Variants in SNAPC5 observed in about 807,000 individuals in gnomAD.
SNAPC5 encodes the protein snRNA-activating protein complex subunit 5.
A neutral mutation model predicts 9.1 loss-of-function variants in SNAPC5; 12 were observed. That is an observed-to-expected ratio of 1.32 (90% CI 0.85 to 2.15). SNAPC5 has a LOEUF of 2.15. SNAPC5 is among the 30% of genes most tolerant of loss of function. The pLI, the probability that SNAPC5 is intolerant of heterozygous loss-of-function variation, is 0.00. For synonymous variants in SNAPC5, 52 were observed against 47.3 expected (o/e 1.10, Z -0.41); for missense variants, 132 against 114.4 (o/e 1.15, Z -0.70).
rs1035376848 is a variant in SNAPC5, at chr15:66,495,314, A to G, written c.180+16T>C. On this transcript the variant is annotated intron_variant, in intron 2 of 2. Transcript: ENST00000316634. ...ACTTTGCATTCTCTCCTAGGCCTGC[A>G]CTTGATTAAGCTTACATCATGTGAC... The G allele has an allele frequency of 1.4e-6, 2 of 1,454,624 alleles. No individual in the cohort carries two copies. Among genetic ancestry groups the G allele is most frequent in the African/African-American group, 1.4e-5 (1 of 71,930 alleles). The allele number at this position is 1,454,624 out of a possible 1,614,324, so 90.1% of individuals were successfully genotyped here. A position where few individuals can be genotyped will look rare whatever the true frequency, so the allele number is the denominator to read the frequency against.
In SNAPC5 at chr15:66,495,349, A is replaced by T; in HGVS notation, c.161T>A (p.Val54Glu). 1 of 1,597,124 alleles carries T rather than the reference A, an allele frequency of 6.3e-7. No homozygotes were observed. The highest frequency in any genetic ancestry group is 8.6e-7 in the Non-Finnish European group (1 of 1,164,360). ...GCTTACATCATGTGACTGTTCAGGT[A>T]CAGTGTGAGAAGACAGCATCTCATC... ...RGDEMLSSHT[V>E]PEQSHDMLVH... The change falls in exon 2 of 3, where the codon GTA becomes GAA. Residue 54 changes from valine to glutamate, a missense_variant. Coordinates refer to ENST00000316634, the MANE Select transcript of SNAPC5 (RefSeq NM_001329615.2).
At chr15:66,490,351 C>A, downstream of SNAPC5, 1 of 737,094 alleles carries the variant, frequency 1.4e-6, no homozygotes, top group Non-Finnish European at 2.5e-6. Flanking sequence ...GGGCCTGCAG[C>A]TGGCCCCACT....
chr15:66,490,793 TTATTAC>T (rs1451771566), downstream of SNAPC5: 7 of 684,996 alleles, frequency 1.0e-5, no homozygotes, highest in East Asian at 1.6e-4. Context: ...GTCTTTATTC[TTATTAC>T]TATTATTGTT....
At chr15:66,490,991 G>C, downstream of SNAPC5, 1 of 431,282 alleles carries the variant, frequency 2.3e-6, no homozygotes, top group Non-Finnish European at 4.3e-6. Context: ...TTGACATTTG[G>C]TGGTACTTTA....
downstream of SNAPC5, chr15:66,490,235 GT>G: frequency 3.3e-6 from 2 of 603,448 alleles, no homozygotes; most frequent in Non-Finnish European, 6.0e-6. Context: ...TAACAAGCCT[GT>G]GAGGCATTTA....
chr15:66,494,302 C>T lies in SNAPC5; in HGVS notation c.*134G>A, dbSNP rs907163842. 4 of 668,812 alleles carry T rather than the reference C, an allele frequency of 6.0e-6. No individual in the cohort carries two copies. In the Admixed American group the frequency reaches 7.1e-5, roughly 12 times the overall value. 41.4% of individuals were successfully genotyped at this position (668,812 alleles called of 1,614,324 possible). A position where few individuals can be genotyped will look rare whatever the true frequency, so the allele number is the denominator to read the frequency against. The stretch of plus-strand genomic sequence containing the variant: ...CGATGGAGCCATTTTTGCAACTACA[C>T]ATCCTCCTTATAGTTCTTGCTTTCC... On this transcript the variant is annotated 3_prime_UTR_variant, in exon 3 of 3. Coordinates refer to ENST00000316634, the MANE Select transcript of SNAPC5 (RefSeq NM_001329615.2).
Position 66,495,352 on chromosome 15 carries a change from G to A in SNAPC5, c.158C>T (p.Thr53Ile), listed in dbSNP as rs1193128572. Residue 53 changes from threonine (T) to isoleucine (I), a missense_variant, in exon 2 of 3, where the codon ACT becomes ATT. Physicochemically the swap from Thr to Ile is moderately conservative, Grantham distance 89 (BLOSUM62 -1). Transcript: ENST00000316634. Reference protein sequence around the residue: ...RRGDEMLSSHTVPEQSHDMLV... With the variant: ...RRGDEMLSSHIVPEQSHDMLV... ...TACATCATGTGACTGTTCAGGTACAGTGTGAGAAGACAGCATCTCATCCCC... is the reference window on the plus strand; with the variant it reads ...TACATCATGTGACTGTTCAGGTACAATGTGAGAAGACAGCATCTCATCCCC... 2 of 1,599,378 alleles carry A rather than the reference G, an allele frequency of 1.3e-6. No homozygotes were observed. The highest frequency in any genetic ancestry group is 1.3e-5 in the African/African-American group (1 of 74,670).
chr15:66,495,698 G>A (rs757591741), intron 1 of SNAPC5, among the ~76,000 whole-genome samples: 31 of 151,986 alleles, frequency 2.0e-4, no homozygotes, highest in Non-Finnish European at 4.3e-4. Flanking sequence ...CAAAGTACAA[G>A]TGTGTCATTA....
chr15:66,495,817 T>G (rs1893411420), intron 1 of SNAPC5, among the ~76,000 whole-genome samples: 1 of 152,238 alleles, frequency 6.6e-6, no homozygotes, highest in African/African-American at 2.4e-5. Context: ...CAGAGGTGTT[T>G]GCTGAAGCAT....
At chr15:66,489,780 C>T (rs566984700), downstream of SNAPC5, 49 of 1,604,550 alleles carry the variant, frequency 3.1e-5, no homozygotes, top group East Asian at 3.8e-4. Flanking sequence ...CTATTTATTC[C>T]GGATTCTTAC....
downstream of SNAPC5, chr15:66,491,416 G>A (rs2140689849): frequency 4.4e-6 from 1 of 229,218 alleles, no homozygotes; most frequent in East Asian, 6.4e-5. Context: ...CAATGCTGTT[G>A]TAAACAACGT....
At chr15:66,489,884 C>G (rs971841927), downstream of SNAPC5, 1 of 885,544 alleles carries the variant, frequency 1.1e-6, no homozygotes, top group East Asian at 2.4e-5. Context: ...CCAGCTGAGC[C>G]TGGGGCTGCA....
In SNAPC5 at chr15:66,497,687, C is replaced by G. The variant is rs140752701; in HGVS notation, c.45G>C (p.Leu15=). The G allele has an allele frequency of 2.7e-5, 44 of 1,613,936 alleles. No individual in the cohort carries two copies. The African/African-American group carries it at 5.3e-4, about 20-fold the overall frequency. ...LQELRKEEET[L]LRLKAALHDQ... ...CGTGCAGGGCTGCCTTCAACCGCAG[C>G]AGCGTCTCCTCCTCCTTGCGCAGTT... Residue 15 remains leucine (L), a synonymous_variant, in exon 1 of 3, where the codon CTG becomes CTC. Transcript: ENST00000316634.
Position 66,497,707 on chromosome 15 carries a change from G to A in SNAPC5, c.25C>T (p.Arg9Cys), listed in dbSNP as rs201039947. The A allele has an allele frequency of 1.7e-5, 28 of 1,613,514 alleles. No homozygotes were observed. The highest frequency in any genetic ancestry group is 2.4e-5 in the Non-Finnish European group (28 of 1,179,944). ...CGCAGCAGCGTCTCCTCCTCCTTGC[G>A]CAGTTCCTGAAGCCGGCTCAGCATG... Reference protein sequence around the residue: MLSRLQELRKEEETLLRLK... With the variant: MLSRLQELCKEEETLLRLK... Residue 9 changes from arginine to cysteine, a missense_variant, in exon 1 of 3, where the codon CGC becomes TGC. Arg to Cys is a radical substitution (Grantham distance 180). Coordinates refer to ENST00000316634, the MANE Select transcript of SNAPC5 (RefSeq NM_001329615.2).
At chr15:66,492,274 T>C (rs1893280393), downstream of SNAPC5, 1 of 273,348 alleles carries the variant, frequency 3.7e-6, no homozygotes, top group African/African-American at 2.3e-5. Context: ...CCAACATATA[T>C]ATTTATAAAT....
downstream of SNAPC5, chr15:66,491,435 C>T (rs1274826373): frequency 1.3e-5 from 3 of 226,392 alleles, no homozygotes; most frequent in South Asian, 1.8e-4. Flanking sequence ...GTGTATAGTG[C>T]CTAAAATTGT....
intron 1 of SNAPC5, among the ~76,000 whole-genome samples, chr15:66,496,803 C>T: frequency 6.6e-6 from 1 of 152,108 alleles, no homozygotes; most frequent in East Asian, 1.9e-4. Flanking sequence ...CCAGCCTGGG[C>T]AACATGGTGA....
downstream of SNAPC5, among the ~76,000 whole-genome samples, chr15:66,492,716 A>C (rs1362114911): frequency 6.6e-6 from 1 of 152,024 alleles, no homozygotes; most frequent in African/African-American, 2.4e-5. Flanking sequence ...TTTAGCCAAG[A>C]ATTATGATCC....
Position 66,495,524 on chromosome 15 carries a change from T to C in SNAPC5, c.91-105A>G. The C allele has an allele frequency of 5.6e-6, 4 of 711,400 alleles. No individual in the cohort carries two copies. The Admixed American group carries it at 6.0e-5, about 11-fold the overall frequency. 44.1% of individuals were successfully genotyped at this position (711,400 alleles called of 1,614,324 possible). ...GAAACATTTGCATCAAGAGAGGGAA[T>C]GAAAACTATCTCTGTGTTGCTCTAG... On this transcript the variant is annotated intron_variant, in intron 1 of 2. Transcript: ENST00000316634.
Sources: gnomAD v4.1 joint callset for allele counts (sites outside exome capture counted in the v4.1 genomes callset) on GRCh38, gnomAD v4.1.1 for gene constraint, MANE v1.5 for transcripts, NCBI Gene and HGNC (gene_info 2026-07-23, HGNC 2026-07-21) for gene names.